Variants in PTPRD observed in about 807,000 individuals in gnomAD.
The protein encoded by PTPRD is receptor-type tyrosine-protein phosphatase delta.
PTPRD carries 34 observed loss-of-function variants against 214.5 expected under a neutral mutation model. That is an observed-to-expected ratio of 0.16 (90% CI 0.12 to 0.21). The LOEUF (loss-of-function observed/expected upper bound fraction) is 0.21. PTPRD is among the 10% of genes least tolerant of loss of function. The pLI is 1.00. For synonymous variants in PTPRD, 1,128 were observed against 845.7 expected (o/e 1.33, Z -5.79); for missense variants, 2,545 against 2,398.7 (o/e 1.06, Z -1.27).
At chr9:9,783,995 G>C (rs1476909369) in intron 5 of PTPRD, among the ~76,000 whole-genome samples, 2 of 151,960 alleles carry the variant, frequency 1.3e-5, no homozygotes, top group Non-Finnish European at 2.9e-5. Flanking sequence ...TTCTTGGTGA[G>C]TCATGATAAA....
chr9:9,946,905 C>G (rs2092637603), intron 4 of PTPRD, among the ~76,000 whole-genome samples: 1 of 151,912 alleles, frequency 6.6e-6, no homozygotes. Context: ...TGAATATTTG[C>G]TGACACATTA....
chr9:8,633,487 G>A, intron 13 of PTPRD, 29 bp from the exon 14 acceptor site: 8 of 1,605,950 alleles, frequency 5.0e-6, no homozygotes, highest in Non-Finnish European at 6.8e-6. Flanking sequence ...GCTGTCACAG[G>A]TGTTGTTACA....
chr9:10,508,753 T>C (rs1380602662), intron 2 of PTPRD, among the ~76,000 whole-genome samples: 2 of 151,762 alleles, frequency 1.3e-5, no homozygotes, highest in South Asian at 2.1e-4. Flanking sequence ...AATGGAACAC[T>C]TGGACACAGG....
chr9:10,301,671 G>C (rs1282689616), intron 3 of PTPRD, among the ~76,000 whole-genome samples: 1 of 152,100 alleles, frequency 6.6e-6, no homozygotes, highest in Non-Finnish European at 1.5e-5. Flanking sequence ...AAGGATATCA[G>C]AGATTGAAGA....
At chr9:8,414,960 A>AGG (rs1554900402) in intron 35 of PTPRD, among the ~76,000 whole-genome samples, 141 of 143,030 alleles carry the variant, frequency 9.9e-4, no homozygotes, top group African/African-American at 2.8e-3. Flanking sequence ...AGAGAGAGAG[A>AGG]GAGAGAGAGA....
chr9:8,427,093 C>T (rs1228376970), intron 35 of PTPRD, among the ~76,000 whole-genome samples: 1 of 152,152 alleles, frequency 6.6e-6, no homozygotes, highest in Non-Finnish European at 1.5e-5. Flanking sequence ...TGGTCCTTAA[C>T]TGCAGAACAA....
chr9:8,851,079 A>G (rs753384766), intron 11 of PTPRD, among the ~76,000 whole-genome samples: 2 of 152,086 alleles, frequency 1.3e-5, no homozygotes, highest in Non-Finnish European at 2.9e-5. Flanking sequence ...CCTCAGAGCA[A>G]ACCCCACAAC....
At chr9:9,178,276 C>G (rs1245483008) in intron 10 of PTPRD, among the ~76,000 whole-genome samples, 1 of 151,754 alleles carries the variant, frequency 6.6e-6, no homozygotes, top group Admixed American at 6.6e-5. Flanking sequence ...GGTTTTCCTG[C>G]CTGCCTGCCT....
chr9:9,228,090 A>G (rs1391048013), intron 9 of PTPRD, among the ~76,000 whole-genome samples: 2 of 152,168 alleles, frequency 1.3e-5, no homozygotes, highest in East Asian at 3.9e-4. Flanking sequence ...AGTAGCCCAT[A>G]CAATAAAATG....
intron 12 of PTPRD, among the ~76,000 whole-genome samples, chr9:8,718,531 T>C (rs1292608905): frequency 6.6e-6 from 1 of 152,132 alleles, no homozygotes; most frequent in African/African-American, 2.4e-5. Context: ...AAATGAGTCA[T>C]GCTGTGGGGC....
intron 2 of PTPRD, among the ~76,000 whole-genome samples, chr9:10,503,236 A>G (rs1242048437): frequency 1.4e-5 from 2 of 146,120 alleles, no homozygotes; most frequent in East Asian, 4.1e-4. Context: ...TTTTCCCAGA[A>G]AAGTTTGGAA....
rs2130467604 is a variant in PTPRD, at chr9:8,317,953, C to T, written c.5671-11G>A. 2.5e-6 allele frequency: 4 copies of T among 1,610,716 alleles called. No individual in the cohort carries two copies. Among genetic ancestry groups the T allele is most frequent in the Non-Finnish European group, 1.7e-6 (2 of 1,177,778 alleles). The stretch of plus-strand genomic sequence containing the variant: ...AAACTGATATTGATCCTGCAGGAGA[C>T]AATGAATGGGGAGAAGCAAAAGAAG... On this transcript the variant is annotated splice_polypyrimidine_tract_variant and intron_variant, in intron 45 of 45. Transcript: ENST00000381196.
chr9:9,187,711 C>A (rs1244025906), intron 9 of PTPRD, among the ~76,000 whole-genome samples: 6 of 151,908 alleles, frequency 3.9e-5, no homozygotes, highest in Non-Finnish European at 7.4e-5. Flanking sequence ...ACTACTGCAA[C>A]CCACATTGCA....
intron 8 of PTPRD, among the ~76,000 whole-genome samples, chr9:9,561,087 T>C (rs966090663): frequency 2.6e-5 from 4 of 152,168 alleles, no homozygotes; most frequent in Admixed American, 6.5e-5. Context: ...AGGGCAGTTA[T>C]ACGTTTCACA....
At chr9:10,420,556 G>A (rs952312563) in intron 2 of PTPRD, among the ~76,000 whole-genome samples, 4 of 148,606 alleles carry the variant, frequency 2.7e-5, no homozygotes, top group African/African-American at 5.2e-5. Context: ...TACAAACGAC[G>A]GGGGGGCTGA....
intron 5 of PTPRD, among the ~76,000 whole-genome samples, chr9:9,899,469 C>A (rs565571750): frequency 6.6e-6 from 1 of 152,110 alleles, no homozygotes; most frequent in African/African-American, 2.4e-5. Flanking sequence ...CACAATTCAT[C>A]AGGGAAATGC....
intron 3 of PTPRD, among the ~76,000 whole-genome samples, chr9:10,051,564 AG>A (rs1156749048): frequency 5.3e-5 from 8 of 151,796 alleles, no homozygotes; most frequent in South Asian, 4.2e-4. Flanking sequence ...CTCGTCATTT[AG>A]CATTAGGTAT....
chr9:10,051,813 A>G (rs997727032), intron 3 of PTPRD, among the ~76,000 whole-genome samples: 4 of 152,210 alleles, frequency 2.6e-5, no homozygotes, highest in African/African-American at 7.2e-5. Context: ...TCTTTCAAAT[A>G]TGGTTATGTT....
intron 5 of PTPRD, among the ~76,000 whole-genome samples, chr9:9,842,501 A>G (rs559649950): frequency 6.6e-6 from 1 of 151,802 alleles, no homozygotes; most frequent in Non-Finnish European, 1.5e-5. Flanking sequence ...GAAGAAAGAG[A>G]GTGTGGGAGG....
Sources: allele counts gnomAD v4.1 joint callset (sites outside exome capture counted in the v4.1 genomes callset), GRCh38; gene constraint gnomAD v4.1.1; transcripts MANE v1.5; gene names NCBI Gene and HGNC (gene_info 2026-07-23, HGNC 2026-07-21).